The following CSMD3 variants were observed in gnomAD, a reference collection of about 807,000 sequenced individuals.
CSMD3 encodes CUB and sushi domain-containing protein 3.
CSMD3 carries 177 observed loss-of-function variants against 435.2 expected under a neutral mutation model. That is an observed-to-expected ratio of 0.41 (90% CI 0.36 to 0.46). The LOEUF is 0.46. Ranked by LOEUF, CSMD3 falls within the 20% of genes least tolerant of loss-of-function variation. CSMD3 has a pLI of 0.34. For missense variants in CSMD3, 4,265 were observed against 4,504.6 expected, an observed-to-expected ratio of 0.95 and a Z score of 1.52; for synonymous variants, 1,656 against 1,520.5, an observed-to-expected ratio of 1.09 and a Z score of -2.07.
At chr8:112,373,005 A>AATAT (rs199918042) in intron 38 of CSMD3, among the ~76,000 whole-genome samples, 1 of 132,648 alleles carries the variant, frequency 7.5e-6, no homozygotes, top group South Asian at 2.3e-4. Flanking sequence ...TATATATAAA[A>AATAT]ATATATATAT....
At chr8:113,111,481 GACTATTC>G (rs2090637562) in intron 4 of CSMD3, among the ~76,000 whole-genome samples, 1 of 151,978 alleles carries the variant, frequency 6.6e-6, no homozygotes, top group South Asian at 2.1e-4. Flanking sequence ...TTTAGCCAGT[GACTATTC>G]ACTTTCCCCC....
intron 31 of CSMD3, 152 bp from the exon 32 acceptor site, chr8:112,472,859 A>G (rs1456690193): frequency 1.6e-6 from 1 of 615,334 alleles, no homozygotes; most frequent in Non-Finnish European, 2.9e-6. Flanking sequence ...AGTGTTAAAT[A>G]TTTGAAAAAT....
In CSMD3 at chr8:113,288,857, G is replaced by A. The variant is rs2093664514; in HGVS notation, c.402-10153C>T. Reference sequence around the variant, plus strand: ...AGGGATAAGATGAGGTAAATACTAGGAATTATCCCATAGTTATGTTGGGAG... The same window carrying A: ...AGGGATAAGATGAGGTAAATACTAGAAATTATCCCATAGTTATGTTGGGAG... On this transcript the variant is annotated intron_variant, in intron 2 of 70. Transcript: ENST00000297405. 2.6e-5 allele frequency among the ~76,000 whole-genome samples: 4 copies of A among 151,782 alleles called. No individual in the cohort carries two copies. The South Asian group carries it at 8.3e-4, about 31-fold the overall frequency.
intron 4 of CSMD3, among the ~76,000 whole-genome samples, chr8:113,162,524 C>T (rs2092062761): frequency 6.8e-6 from 1 of 147,408 alleles, no homozygotes; most frequent in Admixed American, 6.9e-5. Flanking sequence ...GAGATCACGC[C>T]ATTGCACTCC....
intron 6 of CSMD3, among the ~76,000 whole-genome samples, chr8:113,011,650 T>A (rs2086259734): frequency 6.6e-6 from 1 of 151,840 alleles, no homozygotes; most frequent in African/African-American, 2.4e-5. Context: ...TTGACTTAGA[T>A]TTTAAATTAA....
chr8:113,427,059 T>C lies in CSMD3; in HGVS notation c.178+9618A>G, dbSNP rs1385865743. On this transcript the variant is annotated intron_variant, in intron 1 of 70. Transcript: ENST00000297405. Reference sequence around the variant, plus strand: ...TATCTTTAAAATTAAAAAGACAGGTTAAAATAAAATTTCTGAAAATATAAC... The same window carrying C: ...TATCTTTAAAATTAAAAAGACAGGTCAAAATAAAATTTCTGAAAATATAAC... 2.0e-5 allele frequency among the ~76,000 whole-genome samples: 3 copies of C among 151,392 alleles called. No individual in the cohort carries two copies. The East Asian group carries it at 5.8e-4, about 29-fold the overall frequency.
chr8:113,079,818 T>C (rs915485124), intron 5 of CSMD3, among the ~76,000 whole-genome samples: 1 of 152,222 alleles, frequency 6.6e-6, no homozygotes, highest in Admixed American at 6.5e-5. Context: ...ACTTCTTGAT[T>C]ACTTGAAATA....
At chr8:113,416,849 G>A (rs986774235) in intron 1 of CSMD3, among the ~76,000 whole-genome samples, 1 of 151,952 alleles carries the variant, frequency 6.6e-6, no homozygotes, top group Admixed American at 6.6e-5. Flanking sequence ...TTCCTCTTTA[G>A]CAATCTTTGA....
rs71309787 is a variant in CSMD3, at chr8:112,747,183, C to CTTTTTTTTTTTTTTTTTTTTTTTTTT, written c.1972+52953_1972+52978dup. On this transcript the variant is annotated intron_variant, in intron 13 of 70. Coordinates refer to ENST00000297405, the MANE Select transcript of CSMD3 (RefSeq NM_198123.2). ...TATGATTATTTGTCTGCACACTTCC[C>CTTTTTTTTTTTTTTTTTTTTTTTTTT]TTTTTTTTTTTTTTTTTTTTTTTTT... Among the ~76,000 whole-genome samples the CTTTTTTTTTTTTTTTTTTTTTTTTTT allele has an allele frequency of 1.1e-4, 3 of 26,942 alleles. 1 individual carries two copies. Among genetic ancestry groups the CTTTTTTTTTTTTTTTTTTTTTTTTTT allele is most frequent in the Non-Finnish European group, 5.8e-5 (1 of 17,202 alleles). The allele number at this position is 26,942 out of a possible 152,430, so 17.7% of individuals were successfully genotyped here. A position where few individuals can be genotyped will look rare whatever the true frequency, so the allele number is the denominator to read the frequency against.
At chr8:112,939,992 AG>A (rs775315068) in intron 9 of CSMD3, among the ~76,000 whole-genome samples, 2 of 152,064 alleles carry the variant, frequency 1.3e-5, no homozygotes, top group East Asian at 3.9e-4. Flanking sequence ...TGAAGTGGGG[AG>A]AGACAGAACA....
At chr8:113,128,484 A>C (rs938953527) in intron 4 of CSMD3, among the ~76,000 whole-genome samples, 1 of 152,130 alleles carries the variant, frequency 6.6e-6, no homozygotes, top group South Asian at 2.1e-4. Flanking sequence ...TTATTATGCA[A>C]TGCTTATGTC....
intron 13 of CSMD3, among the ~76,000 whole-genome samples, chr8:112,755,021 T>G (rs1273039257): frequency 6.6e-6 from 1 of 152,030 alleles, no homozygotes; most frequent in Non-Finnish European, 1.5e-5. Context: ...GGGAGGGACC[T>G]GGTGGGAGGT....
chr8:113,033,450 G>A (rs2087206277), intron 5 of CSMD3, among the ~76,000 whole-genome samples: 1 of 151,622 alleles, frequency 6.6e-6, no homozygotes, highest in African/African-American at 2.4e-5. Context: ...CCCCAACAGG[G>A]TTTAGACTTG....
At chr8:112,246,718 T>C (rs1224891517) in intron 64 of CSMD3, among the ~76,000 whole-genome samples, 2 of 152,168 alleles carry the variant, frequency 1.3e-5, no homozygotes, top group East Asian at 1.9e-4. Flanking sequence ...TTCAGACTGA[T>C]AGATGCAGAT....
intron 1 of CSMD3, among the ~76,000 whole-genome samples, chr8:113,358,603 C>A (rs1046457009): frequency 6.6e-6 from 1 of 152,046 alleles, no homozygotes; most frequent in Non-Finnish European, 1.5e-5. Context: ...TTAAAGGAAA[C>A]TTACAATCAT....
chr8:112,911,075 T>C (rs1420629540), intron 10 of CSMD3, among the ~76,000 whole-genome samples: 2 of 151,818 alleles, frequency 1.3e-5, no homozygotes, highest in African/African-American at 4.8e-5. Context: ...CATATTGTTG[T>C]TCCCTCAATT....
intron 30 of CSMD3, among the ~76,000 whole-genome samples, chr8:112,503,415 G>T (rs760248849): frequency 6.6e-6 from 1 of 152,174 alleles, no homozygotes; most frequent in African/African-American, 2.4e-5. Flanking sequence ...TATCGTCTAC[G>T]TTGTTCCCTT....
chr8:112,286,118 T>C (rs1210884940), intron 58 of CSMD3, among the ~76,000 whole-genome samples: 1 of 152,176 alleles, frequency 6.6e-6, no homozygotes, highest in East Asian at 1.9e-4. Flanking sequence ...ACAGTTGTAC[T>C]CTACAATTAA....
chr8:112,798,539 C>T lies in CSMD3; in HGVS notation c.1972+1623G>A, dbSNP rs2078881606. ...CCTGGGTTGGTTTCAAATATATCAT[C>T]TCTGTGAATTGTTTAATTACTATTG... On this transcript the variant is annotated intron_variant, in intron 13 of 70. Transcript: ENST00000297405. Among the ~76,000 whole-genome samples the T allele has an allele frequency of 4.0e-5, 6 of 151,846 alleles. No homozygotes were observed. The South Asian group carries it at 1.2e-3, about 31-fold the overall frequency.
Sources: gnomAD v4.1 joint callset for allele counts (sites outside exome capture counted in the v4.1 genomes callset) on GRCh38, gnomAD v4.1.1 for gene constraint, MANE v1.5 for transcripts, NCBI Gene and HGNC (gene_info 2026-07-23, HGNC 2026-07-21) for gene names.